CLSTN2: variants seen among roughly 807,000 people sequenced by gnomAD.
CLSTN2 encodes calsyntenin-2.
Under a neutral mutation model 101.2 loss-of-function variants are expected in CLSTN2, and 48 were observed. The ratio of observed to expected loss-of-function variants is 0.47; its 90% CI spans 0.38 to 0.60. CLSTN2 has a LOEUF of 0.60. Ranked by LOEUF, CLSTN2 falls within the 20% of genes least tolerant of loss-of-function variation. The probability of loss-of-function intolerance (pLI) is 0.00; values close to 1 mark genes in which losing one functional copy is unlikely to be tolerated. For missense variants in CLSTN2, 1,160 were observed against 1,238.2 expected, an observed-to-expected ratio of 0.94 and a Z score of 0.95; for synonymous variants, 481 against 463.6, an observed-to-expected ratio of 1.04 and a Z score of -0.48.
chr3:140,038,771 G>T (rs1171273293), intron 1 of CLSTN2, among the ~76,000 whole-genome samples: 2 of 151,896 alleles, frequency 1.3e-5, no homozygotes, highest in Non-Finnish European at 2.9e-5. Context: ...AGATACTAAG[G>T]GTGTTCTTTG....
chr3:140,225,712 G>A (rs761261031), intron 2 of CLSTN2, among the ~76,000 whole-genome samples: 25 of 152,078 alleles, frequency 1.6e-4, no homozygotes, highest in Non-Finnish European at 1.9e-4. Flanking sequence ...TGGCAAGGAT[G>A]TACTCAATCT....
intron 2 of CLSTN2, among the ~76,000 whole-genome samples, chr3:140,327,190 G>A (rs1301453509): frequency 6.6e-6 from 1 of 152,110 alleles, no homozygotes; most frequent in East Asian, 1.9e-4. Context: ...AATTCTTGAG[G>A]GAAAAACAGA....
chr3:139,950,920 A>G (rs1279875728), intron 1 of CLSTN2, among the ~76,000 whole-genome samples: 1 of 152,156 alleles, frequency 6.6e-6, no homozygotes, highest in Non-Finnish European at 1.5e-5. Flanking sequence ...TGTGTGTTGT[A>G]TTGGTGATTC....
At chr3:140,562,632 A>G (rs891752311) in intron 13 of CLSTN2, among the ~76,000 whole-genome samples, 179 bp from the exon 14 acceptor site, 2 of 152,204 alleles carry the variant, frequency 1.3e-5, no homozygotes, top group African/African-American at 2.4e-5. Flanking sequence ...CTTGTGCATC[A>G]ATGTAATTTT....
intron 2 of CLSTN2, among the ~76,000 whole-genome samples, chr3:140,327,352 C>T (rs565032694): frequency 1.3e-5 from 2 of 152,334 alleles, no homozygotes; most frequent in South Asian, 4.1e-4. Context: ...ACCCTAAACA[C>T]TCACAACCTG....
At chr3:140,225,923 A>C (rs1375177840) in intron 2 of CLSTN2, among the ~76,000 whole-genome samples, 1 of 152,124 alleles carries the variant, frequency 6.6e-6, no homozygotes, top group African/African-American at 2.4e-5. Context: ...TTTTTAAAAA[A>C]AAAAGGACTC....
chr3:140,300,797 G>A (rs1264841865), intron 2 of CLSTN2, among the ~76,000 whole-genome samples: 1 of 146,840 alleles, frequency 6.8e-6, no homozygotes, highest in Non-Finnish European at 1.5e-5. Context: ...AGCAGTACCA[G>A]TAGGCGATAT....
intron 5 of CLSTN2, among the ~76,000 whole-genome samples, chr3:140,435,592 G>A (rs1451545193): frequency 3.9e-5 from 6 of 152,162 alleles, no homozygotes; most frequent in African/African-American, 1.2e-4. Context: ...CCTAGGAATC[G>A]GATTGCTGGA....
At position 140,473,858 on chromosome 3, in the gene CLSTN2, C is replaced by G. The variant is rs997908100; in HGVS notation, c.1344+7127C>G. ...CTGTAAGCTCCGCCTCCCGGGCTCACGCAATTCTCCTGCCTCAGCCTCCTG... is the reference window on the plus strand; with the variant it reads ...CTGTAAGCTCCGCCTCCCGGGCTCAGGCAATTCTCCTGCCTCAGCCTCCTG... On this transcript the variant is annotated intron_variant, in intron 8 of 16. Coordinates refer to ENST00000458420, the MANE Select transcript of CLSTN2 (RefSeq NM_022131.3). Among the ~76,000 whole-genome samples the G allele has an allele frequency of 3.9e-5, 6 of 152,078 alleles. No individual in the cohort carries two copies. The South Asian group carries it at 1.0e-3, about 26-fold the overall frequency.
intron 16 of CLSTN2, among the ~76,000 whole-genome samples, chr3:140,564,697 G>C (rs1364745445): frequency 6.6e-6 from 1 of 152,180 alleles, no homozygotes. Context: ...TAAAATAGGA[G>C]TTATCATCTT....
chr3:140,046,666 C>A (rs1376035093), intron 1 of CLSTN2, among the ~76,000 whole-genome samples: 2 of 152,116 alleles, frequency 1.3e-5, no homozygotes, highest in Non-Finnish European at 2.9e-5. Flanking sequence ...TGTTCCTTTC[C>A]ATGTTTAGGG....
chr3:140,193,729 T>TA (rs1559803181), intron 2 of CLSTN2, among the ~76,000 whole-genome samples: 2 of 152,130 alleles, frequency 1.3e-5, no homozygotes, highest in Admixed American at 6.6e-5. Context: ...GGATTTTTTT[T>TA]AGCACTGCTT....
intron 10 of CLSTN2, among the ~76,000 whole-genome samples, chr3:140,549,350 C>A (rs1429244133): frequency 6.6e-6 from 1 of 151,412 alleles, no homozygotes; most frequent in Non-Finnish European, 1.5e-5. Flanking sequence ...ATAAGTGGCA[C>A]AAAAAACTGT....
At position 140,323,922 on chromosome 3, in the gene CLSTN2, G is replaced by A. The variant is rs551847471; in HGVS notation, c.233-79707G>A. 3.9e-5 allele frequency among the ~76,000 whole-genome samples: 6 copies of A among 152,292 alleles called. No homozygotes were observed. In the South Asian group the frequency reaches 8.3e-4, roughly 21 times the overall value. On this transcript the variant is annotated intron_variant, in intron 2 of 16. Coordinates refer to ENST00000458420, the MANE Select transcript of CLSTN2 (RefSeq NM_022131.3). ...TTCACAACATGGCTGCAACAGTTGCGAATGTCATATCCTCACCCAATAATG... is the reference window on the plus strand; with the variant it reads ...TTCACAACATGGCTGCAACAGTTGCAAATGTCATATCCTCACCCAATAATG...
At chr3:140,091,490 G>A (rs2008779329) in intron 1 of CLSTN2, among the ~76,000 whole-genome samples, 1 of 152,166 alleles carries the variant, frequency 6.6e-6, no homozygotes, top group African/African-American at 2.4e-5. Context: ...GGCGGTATGT[G>A]GCAGTCACAG....
At chr3:140,498,960 GT>G (rs532312992) in intron 8 of CLSTN2, among the ~76,000 whole-genome samples, 18,900 of 138,714 alleles carry the variant, frequency 0.14, 2,283 homozygotes, top group African/African-American at 0.34. Context: ...GCACTTGAAT[GT>G]TTTTTTTTTT....
intron 1 of CLSTN2, among the ~76,000 whole-genome samples, chr3:140,175,313 T>A (rs116590555): frequency 0.015 from 2,235 of 152,304 alleles, 23 homozygotes; most frequent in Non-Finnish European, 0.022. Context: ...AGTCAAATTA[T>A]TGAAGAACAA....
At chr3:140,077,823 T>A (rs1171066452) in intron 1 of CLSTN2, among the ~76,000 whole-genome samples, 3 of 152,186 alleles carry the variant, frequency 2.0e-5, no homozygotes, top group Non-Finnish European at 4.4e-5. Flanking sequence ...CGTAGCTGCT[T>A]ATGTTTGGAA....
intron 2 of CLSTN2, among the ~76,000 whole-genome samples, chr3:140,348,687 T>G (rs2107941131): frequency 6.6e-6 from 1 of 152,316 alleles, no homozygotes; most frequent in Middle Eastern, 3.4e-3. Flanking sequence ...CAAGAAGACC[T>G]TCATATTATG....
Sources: allele counts gnomAD v4.1 joint callset (sites outside exome capture counted in the v4.1 genomes callset), GRCh38; gene constraint gnomAD v4.1.1; transcripts MANE v1.5; gene names NCBI Gene and HGNC (gene_info 2026-07-23, HGNC 2026-07-21).